THSD4: variants seen among roughly 807,000 people sequenced by gnomAD.
THSD4 encodes the protein thrombospondin type-1 domain-containing protein 4.
THSD4 carries 69 observed loss-of-function variants against 119.0 expected under a neutral mutation model. That is an observed-to-expected ratio of 0.58 (90% CI 0.48 to 0.71). THSD4 has a LOEUF of 0.71. Ranked by LOEUF, THSD4 falls within the 30% of genes least tolerant of loss-of-function variation. The pLI is 0.00. For missense variants in THSD4, 1,393 were observed against 1,391.1 expected (o/e 1.00, Z -0.02); for synonymous variants, 524 against 540.4 (o/e 0.97, Z 0.42).
At chr15:71,366,923 T>G (rs1023333074) in intron 6 of THSD4, among the ~76,000 whole-genome samples, 2 of 152,238 alleles carry the variant, frequency 1.3e-5, no homozygotes, top group African/African-American at 4.8e-5. Context: ...GAGAGGACCC[T>G]GACCCTTCTC....
intron 1 of THSD4, among the ~76,000 whole-genome samples, chr15:71,117,731 CA>C (rs2040374874): frequency 6.6e-6 from 1 of 152,128 alleles, no homozygotes; most frequent in East Asian, 1.9e-4. Flanking sequence ...CTGATTTCAC[CA>C]CATCATTTCT....
chr15:71,181,558 T>A (rs998021896), intron 3 of THSD4, among the ~76,000 whole-genome samples: 1 of 152,228 alleles, frequency 6.6e-6, no homozygotes. Context: ...AGTATGCTTG[T>A]ACCCATGAGT....
At position 71,564,717 on chromosome 15, in the gene THSD4, ATT is replaced by A. The variant is rs1404957274; in HGVS notation, c.1153-95812_1153-95811del. On this transcript the variant is annotated intron_variant, in intron 7 of 17. Coordinates refer to ENST00000261862, the MANE Select transcript of THSD4 (RefSeq NM_024817.3). The stretch of plus-strand genomic sequence containing the variant: ...TAGTATAACATATAATACAATATAT[ATT>A]GTATATTATAACATATAATACAATA... Among the ~76,000 whole-genome samples, 15 of 132,106 alleles carry A rather than the reference ATT, an allele frequency of 1.1e-4. 5 individuals carry two copies. The highest frequency in any genetic ancestry group is 1.6e-4 in the Admixed American group (2 of 12,288). 86.7% of individuals were successfully genotyped at this position (132,106 alleles called of 152,430 possible).
chr15:71,222,247 A>G (rs556664730), intron 4 of THSD4, among the ~76,000 whole-genome samples: 4 of 152,158 alleles, frequency 2.6e-5, no homozygotes, highest in Non-Finnish European at 5.9e-5. Flanking sequence ...AGCTTCCACA[A>G]AGACAGGGTA....
intron 7 of THSD4, among the ~76,000 whole-genome samples, chr15:71,438,878 A>G (rs925651071): frequency 3.3e-5 from 5 of 152,214 alleles, no homozygotes; most frequent in African/African-American, 1.2e-4. Flanking sequence ...GTATTTAGGT[A>G]CCTTAACAAG....
intron 6 of THSD4, among the ~76,000 whole-genome samples, chr15:71,341,985 A>G (rs926192941): frequency 2.0e-5 from 3 of 152,094 alleles, no homozygotes; most frequent in Non-Finnish European, 4.4e-5. Flanking sequence ...TCCATATCCT[A>G]CCACAGAGGA....
At chr15:71,731,553 T>C (rs762535823) in intron 10 of THSD4, 27 of 273,296 alleles carry the variant, frequency 9.9e-5, no homozygotes, top group Non-Finnish European at 1.5e-4. Flanking sequence ...CCGACGCAGG[T>C]GGATCGCTTG....
chr15:71,649,982 G>A (rs1014511496), intron 7 of THSD4, among the ~76,000 whole-genome samples: 3 of 152,176 alleles, frequency 2.0e-5, no homozygotes, highest in Non-Finnish European at 4.4e-5. Context: ...GAGGAGGGAC[G>A]GCAGAGACCT....
intron 3 of THSD4, among the ~76,000 whole-genome samples, chr15:71,190,321 C>A (rs1378161994): frequency 6.6e-6 from 1 of 152,134 alleles, no homozygotes; most frequent in Non-Finnish European, 1.5e-5. Flanking sequence ...AGAGGGAACC[C>A]CCTGGGGAGT....
intron 4 of THSD4, among the ~76,000 whole-genome samples, chr15:71,223,764 C>T (rs901854223): frequency 1.3e-5 from 2 of 152,016 alleles, no homozygotes; most frequent in South Asian, 2.1e-4. Flanking sequence ...GGGGATGAGC[C>T]GAGGGCTGTG....
rs200071031 is a variant in THSD4 at position 71,608,235 on chromosome 15, A to T, written c.1153-52295A>T. 3.1e-4 allele frequency among the ~76,000 whole-genome samples: 16 copies of T among 51,006 alleles called. No homozygotes were observed. In the East Asian group the frequency reaches 3.9e-3, roughly 13 times the overall value. 33.5% of individuals were successfully genotyped at this position (51,006 alleles called of 152,430 possible). A position where few individuals can be genotyped will look rare whatever the true frequency, so the allele number is the denominator to read the frequency against. ...AAAACTCTGTCTCAAAAAAAAAAAAAAAATATATATATATACACACACACA... is the reference window on the plus strand; with the variant it reads ...AAAACTCTGTCTCAAAAAAAAAAAATAAATATATATATATACACACACACA... On this transcript the variant is annotated intron_variant, in intron 7 of 17. Coordinates refer to ENST00000261862, the MANE Select transcript of THSD4 (RefSeq NM_024817.3).
At chr15:71,727,569 TATATATATATATATATATAC>T (rs1567121970) in intron 8 of THSD4, among the ~76,000 whole-genome samples, 221 of 29,866 alleles carry the variant, frequency 7.4e-3, no homozygotes, top group Non-Finnish European at 0.012. Context: ...TATATATATA[TATATATATATATATATATAC>T]ACACACACAC....
intron 8 of THSD4, among the ~76,000 whole-genome samples, chr15:71,677,369 C>G: frequency 6.6e-6 from 1 of 152,222 alleles, no homozygotes; most frequent in East Asian, 1.9e-4. Flanking sequence ...TCACCAAAAG[C>G]TTTTATGACT....
chr15:71,749,899 C>A (rs556001898), intron 14 of THSD4, among the ~76,000 whole-genome samples: 2 of 151,922 alleles, frequency 1.3e-5, no homozygotes, highest in African/African-American at 4.8e-5. Flanking sequence ...ACCACCCCGG[C>A]TAATTTTTTG....
chr15:71,608,091 C>T (rs1362356203), intron 7 of THSD4, among the ~76,000 whole-genome samples: 1 of 151,772 alleles, frequency 6.6e-6, no homozygotes, highest in Non-Finnish European at 1.5e-5. Flanking sequence ...GGCGTGGTGG[C>T]AGGCACCTGT....
chr15:71,403,942 T>G (rs1216657674), intron 6 of THSD4, among the ~76,000 whole-genome samples: 1 of 152,178 alleles, frequency 6.6e-6, no homozygotes. Flanking sequence ...TTATTGATTG[T>G]AAGTAGGGAA....
At chr15:71,770,921 C>G in intron 16 of THSD4, 143 bp from the exon 17 acceptor site, 8 of 1,221,026 alleles carry the variant, frequency 6.6e-6, no homozygotes, top group South Asian at 1.6e-5. Flanking sequence ...ATTGTTGAAG[C>G]TGGTTGATAG....
At chr15:71,462,638 C>T (rs1409027580) in intron 7 of THSD4, among the ~76,000 whole-genome samples, 1 of 152,172 alleles carries the variant, frequency 6.6e-6, no homozygotes, top group Non-Finnish European at 1.5e-5. Context: ...TGACCATTGA[C>T]CCTTAATTTT....
intron 7 of THSD4, among the ~76,000 whole-genome samples, chr15:71,434,434 CTTTTTTTTTT>C (rs34097873): frequency 6.1e-5 from 5 of 82,538 alleles, no homozygotes; most frequent in Non-Finnish European, 6.6e-5. Context: ...TCAGTGGTCC[CTTTTTTTTTT>C]TTTTTTTTTT....
Sources: gnomAD v4.1 joint callset for allele counts (sites outside exome capture counted in the v4.1 genomes callset) on GRCh38, gnomAD v4.1.1 for gene constraint, MANE v1.5 for transcripts, NCBI Gene and HGNC (gene_info 2026-07-23, HGNC 2026-07-21) for gene names.